The following ENPP1 variants were observed in gnomAD, a reference collection of about 807,000 sequenced individuals.
ENPP1 encodes ectonucleotide pyrophosphatase/phosphodiesterase 1.
Under a neutral mutation model 122.8 loss-of-function variants are expected in ENPP1, and 73 were observed. The observed-to-expected ratio is 0.59, with a 90% CI of 0.49 to 0.72. The LOEUF (loss-of-function observed/expected upper bound fraction) is 0.72. Among genes scored for constraint, ENPP1 ranks in the 30% least tolerant of loss-of-function variants. The pLI is 0.00. For synonymous variants in ENPP1, 367 were observed against 391.6 expected, an observed-to-expected ratio of 0.94 and a Z score of 0.74; for missense variants, 978 against 1,128.1, an observed-to-expected ratio of 0.87 and a Z score of 1.91.
At chr6:131,834,767 G>A (rs1213401509) in intron 1 of ENPP1, among the ~76,000 whole-genome samples, 1 of 151,692 alleles carries the variant, frequency 6.6e-6, no homozygotes, top group African/African-American at 2.4e-5. Flanking sequence ...CACCATGTTG[G>A]CCAGGCTGGT....
At chr6:131,854,743 A>G (rs1375051867) in intron 5 of ENPP1, among the ~76,000 whole-genome samples, 183 bp from the exon 6 acceptor site, 2 of 152,186 alleles carry the variant, frequency 1.3e-5, no homozygotes, top group African/African-American at 4.8e-5. Context: ...GTATATAAAT[A>G]TAAATGCATG....
intron 1 of ENPP1, chr6:131,826,375 T>G: frequency 9.4e-7 from 1 of 1,058,898 alleles, no homozygotes; most frequent in South Asian, 1.4e-5. Flanking sequence ...GAAAAGCTGC[T>G]AGGGCAGATT....
At chr6:131,818,429 G>A (rs1328144978) in intron 1 of ENPP1, among the ~76,000 whole-genome samples, 2 of 152,036 alleles carry the variant, frequency 1.3e-5, no homozygotes, top group African/African-American at 2.4e-5. Flanking sequence ...GGTGGATCAC[G>A]AGGTCAGGAG....
rs1275709620 is a variant in ENPP1, at chr6:131,808,147, G to C, written c.112G>C (p.Glu38Gln). The C allele has an allele frequency of 2.9e-5, 42 of 1,438,820 alleles. No individual in the cohort carries two copies. The highest frequency in any genetic ancestry group is 3.8e-5 in the Non-Finnish European group (41 of 1,089,910). 89.1% of individuals were successfully genotyped at this position (1,438,820 alleles called of 1,614,324 possible). A position where few individuals can be genotyped will look rare whatever the true frequency, so the allele number is the denominator to read the frequency against. The change falls in exon 1 of 25, where the codon GAG becomes CAG. Residue 38 changes from glutamate (E) to glutamine (Q), a missense_variant. By Grantham distance (29) the Glu-to-Gln change is conservative. Coordinates refer to ENST00000647893, the MANE Select transcript of ENPP1 (RefSeq NM_006208.3). ...GRDRGRSHAA[E>Q]APGDPQAAAS... Reference sequence around the variant, plus strand: ...CGATCGGGGCCGCAGCCACGCTGCCGAGGCGCCCGGGGACCCGCAGGCGGC... The same window carrying C: ...CGATCGGGGCCGCAGCCACGCTGCCCAGGCGCCCGGGGACCCGCAGGCGGC...
Position 131,849,973 on chromosome 6 carries a change from T to C in ENPP1, c.314-17T>C. 1.3e-6 allele frequency: 2 copies of C among 1,550,468 alleles called. No individual in the cohort carries two copies. The highest frequency in any genetic ancestry group is 1.8e-6 in the Non-Finnish European group (2 of 1,121,876). ...ATAATGATTAGAAACATCTGACTTA[T>C]CGTTCAATTTTTTCAGTTAAAAGTT... On this transcript the variant is annotated splice_polypyrimidine_tract_variant and intron_variant, in intron 2 of 24. Transcript: ENST00000647893.
intron 1 of ENPP1, 53 bp from the exon 2 acceptor site, chr6:131,847,723 A>G: frequency 7.9e-7 from 1 of 1,261,960 alleles, no homozygotes; most frequent in South Asian, 1.3e-5. Context: ...AAAAAATAAG[A>G]TAAAATATTT....
At chr6:131,862,091 C>G (rs562445364) in intron 9 of ENPP1, among the ~76,000 whole-genome samples, 1 of 152,048 alleles carries the variant, frequency 6.6e-6, no homozygotes, top group Non-Finnish European at 1.5e-5. Flanking sequence ...ATCACTTGAA[C>G]CTGTGAGGCG....
At chr6:131,885,753 A>T (rs1263640838) in intron 23 of ENPP1, among the ~76,000 whole-genome samples, 1 of 152,204 alleles carries the variant, frequency 6.6e-6, no homozygotes, top group Non-Finnish European at 1.5e-5. Context: ...TATGTGACTT[A>T]CAAAATACAT....
chr6:131,858,057 G>C (rs1007430243), intron 6 of ENPP1, among the ~76,000 whole-genome samples: 1 of 152,180 alleles, frequency 6.6e-6, no homozygotes, highest in African/African-American at 2.4e-5. Flanking sequence ...GGCAAATGGA[G>C]TATTGAACGC....
chr6:131,826,434 C>T (rs759096199), intron 1 of ENPP1: 70 of 919,936 alleles, frequency 7.6e-5, no homozygotes, highest in Non-Finnish European at 1.1e-4. Context: ...TAGATAATGC[C>T]CCAGTTTATC....
chr6:131,813,328 A>T (rs1781376828), intron 1 of ENPP1, among the ~76,000 whole-genome samples: 1 of 151,518 alleles, frequency 6.6e-6, no homozygotes, highest in South Asian at 2.1e-4. Flanking sequence ...AACATGGTGA[A>T]ACCCCTTCAA....
intron 11 of ENPP1, 113 bp from the exon 12 acceptor site, chr6:131,867,905 T>G (rs1012625795): frequency 8.0e-6 from 6 of 752,376 alleles, no homozygotes; most frequent in South Asian, 4.6e-5. Flanking sequence ...CTGTCTGTCT[T>G]TCTTTCTTTC....
At chr6:131,816,307 A>C (rs535736684) in intron 1 of ENPP1, among the ~76,000 whole-genome samples, 1 of 152,174 alleles carries the variant, frequency 6.6e-6, no homozygotes, top group Admixed American at 6.5e-5. Context: ...TTTGGAATAC[A>C]ACTTGTAATT....
Position 131,851,141 on chromosome 6 carries a change from G to C in ENPP1, c.431-1G>C. The C allele has an allele frequency of 5.6e-6, 9 of 1,613,950 alleles. No individual in the cohort carries two copies. Among genetic ancestry groups the C allele is most frequent in the Non-Finnish European group, 7.6e-6 (9 of 1,179,864 alleles). On this transcript the variant is annotated splice_acceptor_variant, in intron 3 of 24. Transcript: ENST00000647893. LOFTEE classifies it high-confidence loss of function. ...CACATTTTGCTGATGTTTGTTTCTA[G>C]AACATATATGGACTTGCAACAAATT...
Position 131,851,147 on chromosome 6 carries a change from A to G in ENPP1, c.436A>G (p.Ile146Val). 6.2e-7 allele frequency: 1 copy of G among 1,614,072 alleles called. No individual in the cohort carries two copies. The highest frequency in any genetic ancestry group is 8.5e-7 in the Non-Finnish European group (1 of 1,179,936). The change falls in exon 4 of 25, where the codon ATA (isoleucine) becomes GTA (valine). Residue 146 changes from isoleucine (I) to valine (V), a missense_variant. Ile to Val is a conservative substitution (Grantham distance 29). Around this residue, in one of 3 missense-constraint regions of ENPP1, gnomAD observed 330 missense variants for 328.5 expected, o/e 1.00. Transcript: ENST00000647893. ...YQETCIEPEH[I>V]WTCNKFRCGE... ...TTGCTGATGTTTGTTTCTAGAACATATATGGACTTGCAACAAATTCAGGTG... is the reference window on the plus strand; with the variant it reads ...TTGCTGATGTTTGTTTCTAGAACATGTATGGACTTGCAACAAATTCAGGTG...
Position 131,874,090 on chromosome 6 carries a change from T to C in ENPP1, c.1566-178T>C, listed in dbSNP as rs566280970. On this transcript the variant is annotated intron_variant, in intron 15 of 24. Transcript: ENST00000647893. ...ATATTGCTTATAGTTAATTTGTCCA[T>C]GAAATAAAAGATAGAGGTGACTTCT... 2.6e-3 allele frequency among the ~76,000 whole-genome samples: 403 copies of C among 152,276 alleles called. 2 individuals are homozygous for C. Among genetic ancestry groups the C allele is most frequent in the African/African-American group, 9.4e-3 (390 of 41,580 alleles).
At chr6:131,885,182 C>T (rs540683454) in intron 23 of ENPP1, 119 bp downstream of exon 23, 6 of 868,210 alleles carry the variant, frequency 6.9e-6, no homozygotes, top group South Asian at 5.7e-5. Context: ...ATGTGTATGA[C>T]ACTTCTGACT....
At chr6:131,884,236 T>C (rs553763066) in intron 22 of ENPP1, among the ~76,000 whole-genome samples, 2 of 152,362 alleles carry the variant, frequency 1.3e-5, no homozygotes, top group Admixed American at 1.3e-4. Flanking sequence ...GAGTTTTTAG[T>C]CTAATTTATA....
intron 1 of ENPP1, among the ~76,000 whole-genome samples, chr6:131,808,929 A>G (rs368948425): frequency 5.3e-5 from 8 of 152,292 alleles, no homozygotes; most frequent in Admixed American, 2.6e-4. Context: ...CTATTTTGCT[A>G]TGACATTTGC....
Sources: gnomAD v4.1 joint callset for allele counts (sites outside exome capture counted in the v4.1 genomes callset) on GRCh38, gnomAD v4.1.1 for gene constraint, gnomAD v4.1.1 regional missense constraint, MANE v1.5 for transcripts, NCBI Gene and HGNC (gene_info 2026-07-23, HGNC 2026-07-21) for gene names.